Variants in MMP26 observed in about 807,000 individuals in gnomAD.
MMP26 encodes the protein matrix metalloproteinase-26.
MMP26 carries 33 observed loss-of-function variants against 31.0 expected under a neutral mutation model. The ratio of observed to expected loss-of-function variants is 1.06; its 90% CI spans 0.81 to 1.42. The LOEUF (loss-of-function observed/expected upper bound fraction) is 1.42. Among genes scored for constraint, MMP26 ranks in the 40% most tolerant of loss-of-function variants. The pLI, the probability that MMP26 is intolerant of heterozygous loss-of-function variation, is 0.00. For missense variants in MMP26, 347 were observed against 316.1 expected (o/e 1.10, Z -0.74); for synonymous variants, 122 against 114.9 (o/e 1.06, Z -0.40).
rs143909200 is a variant in MMP26 at position 4,738,592 on chromosome 11, A to G, written c.-216-28678A>G. On this transcript the variant is annotated intron_variant, in intron 1 of 7. Transcript: ENST00000380390. ...ATTCTGCCACTAGGATTGTTTTGAA[A>G]CAGTAATATATGTAAAAAAGAATTT... 1.1e-3 allele frequency among the ~76,000 whole-genome samples: 171 copies of G among 152,324 alleles called. 1 individual carries two copies. Among genetic ancestry groups the G allele is most frequent in the Middle Eastern group, 3.4e-3 (1 of 294 alleles).
chr11:4,706,384 AC>A (rs1847777247), intron 1 of MMP26, among the ~76,000 whole-genome samples: 1 of 151,466 alleles, frequency 6.6e-6, no homozygotes, highest in South Asian at 2.1e-4. Context: ...ACATGGTGAA[AC>A]CCCATCTCTA....
At chr11:4,891,578 T>A (rs766638923) in intron 2 of MMP26, among the ~76,000 whole-genome samples, 1 of 152,308 alleles carries the variant, frequency 6.6e-6, no homozygotes, top group African/African-American at 2.4e-5. Flanking sequence ...ACCCACAAGC[T>A]CTTCAAAGGA....
At chr11:4,874,902 G>A (rs1442771961) in intron 2 of MMP26, among the ~76,000 whole-genome samples, 1 of 152,094 alleles carries the variant, frequency 6.6e-6, no homozygotes. Flanking sequence ...GTTACAGTGA[G>A]AAATGTAGTT....
At chr11:4,707,685 T>C (rs1847798332) in intron 1 of MMP26, among the ~76,000 whole-genome samples, 1 of 152,210 alleles carries the variant, frequency 6.6e-6, no homozygotes, top group Admixed American at 6.5e-5. Context: ...TATGTTTTTA[T>C]GATTGCATGA....
chr11:4,884,899 C>T (rs1402696690), intron 2 of MMP26, among the ~76,000 whole-genome samples: 1 of 151,926 alleles, frequency 6.6e-6, no homozygotes, highest in Admixed American at 6.6e-5. Context: ...TGTTTGAATG[C>T]AGGGTAATAC....
chr11:4,823,710 A>C (rs1198855288), intron 2 of MMP26, among the ~76,000 whole-genome samples: 1 of 152,174 alleles, frequency 6.6e-6, no homozygotes, highest in African/African-American at 2.4e-5. Flanking sequence ...GACCTTGTCC[A>C]TCATTATCCC....
intron 1 of MMP26, among the ~76,000 whole-genome samples, chr11:4,727,241 C>T (rs1848112973): frequency 6.6e-6 from 1 of 152,148 alleles, no homozygotes; most frequent in African/African-American, 2.4e-5. Context: ...CCCATGCATA[C>T]TGTTTGTTCA....
chr11:4,931,379 T>C (rs1851344695), intron 2 of MMP26, among the ~76,000 whole-genome samples: 1 of 151,996 alleles, frequency 6.6e-6, no homozygotes, highest in Non-Finnish European at 1.5e-5. Context: ...TGAATAATAG[T>C]TGACTGGAGG....
intron 1 of MMP26, among the ~76,000 whole-genome samples, chr11:4,716,925 G>A (rs943351708): frequency 1.3e-5 from 2 of 152,024 alleles, no homozygotes; most frequent in Non-Finnish European, 1.5e-5. Flanking sequence ...GCCTCCCAAA[G>A]TGCTGGGATT....
intron 1 of MMP26, among the ~76,000 whole-genome samples, chr11:4,748,680 T>A (rs1205284970): frequency 7.1e-6 from 1 of 139,934 alleles, no homozygotes; most frequent in Non-Finnish European, 1.5e-5. Context: ...ATAAGCAGAC[T>A]TTTTTTAAAA....
At chr11:4,735,352 C>T (rs1279849833) in intron 1 of MMP26, among the ~76,000 whole-genome samples, 1 of 152,030 alleles carries the variant, frequency 6.6e-6, no homozygotes, top group African/African-American at 2.4e-5. Context: ...GGTTGTATAG[C>T]TATATATACA....
At position 4,955,323 on chromosome 11, in the gene MMP26, G is replaced by T. The variant is rs760153292; in HGVS notation, c.-144-32745G>T. On this transcript the variant is annotated intron_variant, in intron 2 of 7. Transcript: ENST00000380390. ...GTCAGGATTGAGGTGTATCTCAGAG[G>T]ATTGTGGATGGCTAGGAATCTATCA... is the stretch of plus-strand genomic sequence containing the variant. 7.0e-6 allele frequency: 8 copies of T among 1,143,146 alleles called. 3 individuals are homozygous for T. The highest frequency in any genetic ancestry group is 1.0e-5 in the Non-Finnish European group (8 of 802,668). The allele number at this position is 1,143,146 out of a possible 1,614,324, so 70.8% of individuals were successfully genotyped here. A position where few individuals can be genotyped will look rare whatever the true frequency, so the allele number is the denominator to read the frequency against.
At chr11:4,821,826 T>C in intron 2 of MMP26, 1 of 1,613,204 alleles carries the variant, frequency 6.2e-7, no homozygotes, top group Non-Finnish European at 8.5e-7. Flanking sequence ...TGAGATACAC[T>C]ACCATCCTTA....
intron 2 of MMP26, chr11:4,859,950 G>C (rs1253314522): frequency 2.1e-6 from 1 of 471,144 alleles, no homozygotes; most frequent in Non-Finnish European, 4.4e-6. Context: ...GTGTGAAGAT[G>C]ACGACGATGA....
intron 2 of MMP26, among the ~76,000 whole-genome samples, chr11:4,910,360 A>G (rs1011001890): frequency 1.3e-5 from 2 of 152,116 alleles, no homozygotes; most frequent in African/African-American, 4.8e-5. Flanking sequence ...TATTCTGCCT[A>G]TGTTAAGGTT....
At chr11:4,866,913 C>T (rs1850243090) in intron 2 of MMP26, among the ~76,000 whole-genome samples, 1 of 152,136 alleles carries the variant, frequency 6.6e-6, no homozygotes, top group Admixed American at 6.6e-5. Context: ...CCCTTCCTTA[C>T]ACCATACACA....
intron 2 of MMP26, among the ~76,000 whole-genome samples, chr11:4,806,992 C>T (rs1326150924): frequency 6.6e-6 from 1 of 152,100 alleles, no homozygotes; most frequent in African/African-American, 2.4e-5. Flanking sequence ...ATACCCAGAC[C>T]ATCCTCATTG....
chr11:4,727,635 A>C (rs1323440446), intron 1 of MMP26, among the ~76,000 whole-genome samples: 1 of 151,964 alleles, frequency 6.6e-6, no homozygotes, highest in East Asian at 1.9e-4. Context: ...CATGGTGAAA[A>C]TCCGTCTCTA....
At chr11:4,745,445 CTT>C (rs1262312286) in intron 1 of MMP26, among the ~76,000 whole-genome samples, 2 of 152,102 alleles carry the variant, frequency 1.3e-5, no homozygotes, top group African/African-American at 4.8e-5. Flanking sequence ...TTTTAATAGA[CTT>C]TGTTAGATAA....
Sources: allele counts gnomAD v4.1 joint callset (sites outside exome capture counted in the v4.1 genomes callset), GRCh38; gene constraint gnomAD v4.1.1; transcripts MANE v1.5; gene names NCBI Gene and HGNC (gene_info 2026-07-23, HGNC 2026-07-21).